The following STX8 variants were observed in gnomAD, a reference collection of about 807,000 sequenced individuals.
STX8 encodes the protein syntaxin-8.
STX8 carries 23 observed loss-of-function variants against 37.5 expected under a neutral mutation model. The ratio of observed to expected loss-of-function variants is 0.61; its 90% CI spans 0.44 to 0.87. The LOEUF is 0.87. STX8 is among the 40% of genes least tolerant of loss of function. The pLI is 0.00. For synonymous variants in STX8, 115 were observed against 99.1 expected (o/e 1.16, Z -0.95); for missense variants, 313 against 284.7 (o/e 1.10, Z -0.71).
intron 6 of STX8, among the ~76,000 whole-genome samples, chr17:9,490,854 T>C (rs1221472520): frequency 6.6e-6 from 1 of 152,204 alleles, no homozygotes; most frequent in African/African-American, 2.4e-5. Flanking sequence ...TCATAAGCGA[T>C]GTGGTCTCAG....
intron 4 of STX8, among the ~76,000 whole-genome samples, chr17:9,527,676 C>T (rs906094732): frequency 1.3e-5 from 2 of 152,064 alleles, no homozygotes; most frequent in African/African-American, 4.8e-5. Context: ...AAAGAAGATA[C>T]CATTTTTTAC....
chr17:9,255,527 A>AAAATAAATAAATAAAT (rs1202028600), intron 7 of STX8, among the ~76,000 whole-genome samples: 1 of 138,680 alleles, frequency 7.2e-6, no homozygotes, highest in African/African-American at 2.6e-5. Flanking sequence ...ACTCCATCTC[A>AAAATAAATAAATAAAT]AAATAAATAA....
intron 6 of STX8, among the ~76,000 whole-genome samples, chr17:9,420,843 G>A (rs1913398433): frequency 6.6e-6 from 1 of 152,200 alleles, no homozygotes; most frequent in Non-Finnish European, 1.5e-5. Flanking sequence ...CCAACCAGAA[G>A]AGAGTCTCTC....
chr17:9,521,415 A>C (rs1449449813), intron 4 of STX8, among the ~76,000 whole-genome samples: 2 of 152,254 alleles, frequency 1.3e-5, no homozygotes, highest in Non-Finnish European at 2.9e-5. Context: ...CAGGAAAAGG[A>C]AATTTTTTCA....
Position 9,491,887 on chromosome 17 carries a change from G to A in STX8, c.483C>T (p.Ile161=). The change falls in exon 6 of 8, where the codon ATC becomes ATT. Residue 161 remains isoleucine (I), a synonymous_variant. Coordinates refer to ENST00000306357, the MANE Select transcript of STX8 (RefSeq NM_004853.3). ...GCCCCATTTGTTTTTGGCGACTTAT[G>A]ATAGAGGAAAGGGCATCAAGGCCTG... ...QDAGLDALSS[I]ISRQKQMGQE... The A allele has an allele frequency of 6.2e-7, 1 of 1,613,730 alleles. No homozygotes were observed. Among genetic ancestry groups the A allele is most frequent in the South Asian group, 1.1e-5 (1 of 91,004 alleles).
chr17:9,525,806 G>A (rs573306311), intron 4 of STX8, among the ~76,000 whole-genome samples: 2 of 152,256 alleles, frequency 1.3e-5, no homozygotes, highest in East Asian at 1.9e-4. Context: ...CTGCTAAGAC[G>A]GTGAGTGCTA....
chr17:9,315,296 A>C (rs78075109), intron 7 of STX8, among the ~76,000 whole-genome samples: 3,795 of 150,948 alleles, frequency 0.025, 101 homozygotes, highest in East Asian at 0.072. Flanking sequence ...AAAACAACAA[A>C]AAAAAAAAAC....
intron 6 of STX8, among the ~76,000 whole-genome samples, chr17:9,384,968 T>C (rs773854653): frequency 2.7e-5 from 4 of 149,564 alleles, no homozygotes; most frequent in Non-Finnish European, 5.9e-5. Context: ...AAAATTGTGA[T>C]GGTTCATAGA....
intron 7 of STX8, among the ~76,000 whole-genome samples, chr17:9,349,858 T>A (rs934803109): frequency 6.6e-6 from 1 of 151,846 alleles, no homozygotes; most frequent in Non-Finnish European, 1.5e-5. Flanking sequence ...TCAGCCTCCC[T>A]GGTAGCTGGA....
chr17:9,308,913 G>A (rs980203507), intron 7 of STX8, among the ~76,000 whole-genome samples: 59 of 151,874 alleles, frequency 3.9e-4, no homozygotes, highest in Middle Eastern at 3.2e-3. Flanking sequence ...AATTGACATG[G>A]TGTTAAAAAC....
intron 6 of STX8, among the ~76,000 whole-genome samples, chr17:9,455,220 C>A (rs1905153791): frequency 6.7e-6 from 1 of 148,722 alleles, no homozygotes. Context: ...CAAAACAAGG[C>A]TGGGTGCGGT....
At chr17:9,402,472 A>G (rs1161532226) in intron 6 of STX8, among the ~76,000 whole-genome samples, 1 of 152,096 alleles carries the variant, frequency 6.6e-6, no homozygotes, top group African/African-American at 2.4e-5. Flanking sequence ...TTATTCCAAC[A>G]CTGCTGCTTG....
chr17:9,492,092 C>T (rs1322145212), intron 5 of STX8, among the ~76,000 whole-genome samples, 171 bp from the exon 6 acceptor site: 1 of 152,018 alleles, frequency 6.6e-6, no homozygotes, highest in African/African-American at 2.4e-5. Flanking sequence ...CTACCTGACA[C>T]CTTAAACTAA....
At chr17:9,333,581 G>T (rs1264791704) in intron 7 of STX8, among the ~76,000 whole-genome samples, 2 of 152,034 alleles carry the variant, frequency 1.3e-5, no homozygotes, top group African/African-American at 4.8e-5. Context: ...AGTAGAGATG[G>T]GGTTTCACTG....
chr17:9,560,602 G>T (rs944588256), intron 2 of STX8, among the ~76,000 whole-genome samples: 1 of 152,058 alleles, frequency 6.6e-6, no homozygotes, highest in African/African-American at 2.4e-5. Context: ...AATAAATACT[G>T]CTGAAGAAAC....
chr17:9,458,632 CTT>C (rs904448423), intron 6 of STX8, among the ~76,000 whole-genome samples: 1 of 152,178 alleles, frequency 6.6e-6, no homozygotes, highest in African/African-American at 2.4e-5. Context: ...CTCTCGTGCT[CTT>C]GTTCCTCAAA....
chr17:9,334,203 G>A (rs894388152), intron 7 of STX8, among the ~76,000 whole-genome samples: 9 of 151,972 alleles, frequency 5.9e-5, no homozygotes, highest in African/African-American at 2.2e-4. Flanking sequence ...TCTGGGTGGT[G>A]CCGGTTGATC....
intron 7 of STX8, among the ~76,000 whole-genome samples, chr17:9,324,434 C>A (rs1014738846): frequency 2.0e-5 from 3 of 151,912 alleles, no homozygotes; most frequent in African/African-American, 7.3e-5. Context: ...GCTCCTGGTG[C>A]GCAGTGTGAT....
rs530415294 is a variant in STX8 at position 9,406,536 on chromosome 17, A to G, written c.542-27883T>C. ...TTTGTGCAGCATGATTTAATACTGC[A>G]TCTTTCCATTTGTTTACATTTCTGT... On this transcript the variant is annotated intron_variant, in intron 6 of 7. Coordinates refer to ENST00000306357, the MANE Select transcript of STX8 (RefSeq NM_004853.3). 2.6e-5 allele frequency among the ~76,000 whole-genome samples: 4 copies of G among 152,334 alleles called. 1 individual carries two copies. The highest frequency in any genetic ancestry group is 2.0e-4 in the Admixed American group (3 of 15,292).
Sources: gnomAD v4.1 joint callset for allele counts (sites outside exome capture counted in the v4.1 genomes callset) on GRCh38, gnomAD v4.1.1 for gene constraint, MANE v1.5 for transcripts, NCBI Gene and HGNC (gene_info 2026-07-23, HGNC 2026-07-21) for gene names.